GALNT18: variants seen among roughly 807,000 people sequenced by gnomAD.
The protein encoded by GALNT18 is GalNAc-transferase 18.
In GALNT18, 44 loss-of-function variants were observed where a neutral mutation model predicts 69.5. The ratio of observed to expected loss-of-function variants is 0.63; its 90% CI spans 0.50 to 0.81. The LOEUF (loss-of-function observed/expected upper bound fraction) is 0.81, where lower values mean the gene tolerates loss of function less well. GALNT18 is among the 40% of genes least tolerant of loss of function. GALNT18 has a pLI of 0.00. For synonymous variants in GALNT18, 364 were observed against 318.2 expected (o/e 1.14, Z -1.53); for missense variants, 715 against 810.0 (o/e 0.88, Z 1.42).
chr11:11,443,053 G>A (rs543408480), intron 2 of GALNT18, among the ~76,000 whole-genome samples: 6 of 152,260 alleles, frequency 3.9e-5, no homozygotes, highest in African/African-American at 7.2e-5. Flanking sequence ...CCACACCCAC[G>A]ATCCCTTAGA....
chr11:11,310,547 A>T (rs1166286849), intron 9 of GALNT18, among the ~76,000 whole-genome samples: 1 of 152,066 alleles, frequency 6.6e-6, no homozygotes, highest in Admixed American at 6.5e-5. Flanking sequence ...TTGTTATAAA[A>T]TTTTTCTTTT....
In GALNT18 at chr11:11,404,781, C is replaced by A. The variant is rs1455818965; in HGVS notation, c.596-25517G>T. On this transcript the variant is annotated intron_variant, in intron 3 of 10. Transcript: ENST00000227756. This position sits in a 1 kb window ranked among gnomAD's most constrained non-coding sequence, Gnocchi z 4.5. ...GGCTCCAGCCCCGCACAGACCCTGACCATACCCTGGCGACTCCATCAGCTA... is the reference window on the plus strand; with the variant it reads ...GGCTCCAGCCCCGCACAGACCCTGAACATACCCTGGCGACTCCATCAGCTA... Among the ~76,000 whole-genome samples, 1 of 152,180 alleles carries A rather than the reference C, an allele frequency of 6.6e-6. No homozygotes were observed. Among genetic ancestry groups the A allele is most frequent in the Non-Finnish European group, 1.5e-5 (1 of 68,034 alleles).
chr11:11,428,738 G>A (rs528591264), intron 3 of GALNT18, among the ~76,000 whole-genome samples: 11 of 152,294 alleles, frequency 7.2e-5, no homozygotes, highest in African/African-American at 2.4e-4. Context: ...TGCACTCAGG[G>A]TCTCAAGAAC....
intron 1 of GALNT18, among the ~76,000 whole-genome samples, chr11:11,599,656 CTCATA>C (rs1859586537): frequency 6.6e-6 from 1 of 151,388 alleles, no homozygotes; most frequent in African/African-American, 2.4e-5. Context: ...TTTTCTATAT[CTCATA>C]TATTTTTTGT....
rs770309604 is a variant in GALNT18 at position 11,309,158 on chromosome 11, G to A, written c.1513-15965C>T. Among the ~76,000 whole-genome samples, 1 of 152,128 alleles carries A rather than the reference G, an allele frequency of 6.6e-6. No homozygotes were observed. The highest frequency in any genetic ancestry group is 1.5e-5 in the Non-Finnish European group (1 of 68,030). On this transcript the variant is annotated intron_variant, in intron 9 of 10. Transcript: ENST00000227756. The surrounding 1 kb of genome is among the most constrained non-coding windows in gnomAD (Gnocchi z 4.6). ...GGTTCCTTGTAAAAGGACAAGTTTAGTCCCCTCTCTAGCCCTTCTTTCTAC... is the reference window on the plus strand; with the variant it reads ...GGTTCCTTGTAAAAGGACAAGTTTAATCCCCTCTCTAGCCCTTCTTTCTAC...
At chr11:11,479,715 G>A (rs1856481727) in intron 1 of GALNT18, among the ~76,000 whole-genome samples, 1 of 152,176 alleles carries the variant, frequency 6.6e-6, no homozygotes, top group Non-Finnish European at 1.5e-5. Context: ...AAGCTGACCT[G>A]TGCCCCATGC....
chr11:11,545,208 T>C (rs1458597328), intron 1 of GALNT18, among the ~76,000 whole-genome samples: 1 of 152,252 alleles, frequency 6.6e-6, no homozygotes, highest in Non-Finnish European at 1.5e-5. Context: ...ACTTGACCAG[T>C]TGCACAGCTT....
Position 11,274,518 on chromosome 11 carries a change from C to T in GALNT18, c.1678-3228G>A, listed in dbSNP as rs143340908. 1.8e-3 allele frequency among the ~76,000 whole-genome samples: 275 copies of T among 152,248 alleles called. 3 individuals carry two copies. Among genetic ancestry groups the T allele is most frequent in the African/African-American group, 5.6e-3 (232 of 41,562 alleles). On this transcript the variant is annotated intron_variant, in intron 10 of 10. Transcript: ENST00000227756. ...CAAGCTTGGTTGGGTGAGGGACATC[C>T]GCCATTGCTGTGGCCTGAGTAGGTG...
At position 11,480,280 on chromosome 11, in the gene GALNT18, C is replaced by T. The variant is rs1856497460; in HGVS notation, c.236-31344G>A. ...TCTCTCTCTCTTTCTCTCTCTCTCG[C>T]CCCCCTCGCCCCAACCTCAGTCATA... On this transcript the variant is annotated intron_variant, in intron 1 of 10. Transcript: ENST00000227756. This position sits in a 1 kb window ranked among gnomAD's most constrained non-coding sequence, Gnocchi z 4.6. Among the ~76,000 whole-genome samples the T allele has an allele frequency of 6.6e-6, 1 of 152,014 alleles. No homozygotes were observed. Among genetic ancestry groups the T allele is most frequent in the South Asian group, 2.1e-4 (1 of 4,810 alleles).
intron 1 of GALNT18, among the ~76,000 whole-genome samples, chr11:11,567,661 C>T (rs1858685643): frequency 6.6e-6 from 1 of 152,162 alleles, no homozygotes; most frequent in Non-Finnish European, 1.5e-5. Flanking sequence ...CAAGCCAGCT[C>T]AGGTGCATAT....
At chr11:11,401,030 G>A (rs938386666) in intron 3 of GALNT18, among the ~76,000 whole-genome samples, 1 of 152,086 alleles carries the variant, frequency 6.6e-6, no homozygotes, top group African/African-American at 2.4e-5. Flanking sequence ...GCTTGGATAC[G>A]GGACACAGGA....
intron 1 of GALNT18, among the ~76,000 whole-genome samples, chr11:11,534,056 G>A (rs565685749): frequency 5.6e-4 from 85 of 152,292 alleles, no homozygotes; most frequent in African/African-American, 1.8e-3. Flanking sequence ...GCACCCCTAC[G>A]TCACAGATCA....
intron 10 of GALNT18, among the ~76,000 whole-genome samples, chr11:11,286,348 A>C (rs536233642): frequency 6.6e-6 from 1 of 152,224 alleles, no homozygotes; most frequent in South Asian, 2.1e-4. Flanking sequence ...CGTAACTTTG[A>C]GTATCCTACA....
rs1345542542 is a variant in GALNT18, at chr11:11,314,099, T to C, written c.1512+12987A>G. On this transcript the variant is annotated intron_variant, in intron 9 of 10. Transcript: ENST00000227756. The surrounding 1 kb of genome is among the most constrained non-coding windows in gnomAD (Gnocchi z 5.2). ...ACAGAGCCAAGGCGGGATCTAAAAT[T>C]AGCTCCTCTGTCACTGGGTTTGGTG... 6.6e-6 allele frequency among the ~76,000 whole-genome samples: 1 copy of C among 152,110 alleles called. No homozygotes were observed. The highest frequency in any genetic ancestry group is 2.4e-5 in the African/African-American group (1 of 41,424).
chr11:11,359,334 T>G (rs1850594768), intron 6 of GALNT18, among the ~76,000 whole-genome samples: 1 of 140,854 alleles, frequency 7.1e-6, no homozygotes, highest in Non-Finnish European at 1.6e-5. Context: ...CTGGACTGCC[T>G]TCACTGGTAA....
At position 11,596,151 on chromosome 11, in the gene GALNT18, C is replaced by T. The variant is rs537234994; in HGVS notation, c.235+25208G>A. Among the ~76,000 whole-genome samples, 1 of 152,254 alleles carries T rather than the reference C, an allele frequency of 6.6e-6. No individual in the cohort carries two copies. The highest frequency in any genetic ancestry group is 2.1e-4 in the South Asian group (1 of 4,826). ...TGTGTTAAAAGACTATTCTTTCCCC[C>T]CTTTAAATTGTTTGAGCATCCTTAT... On this transcript the variant is annotated intron_variant, in intron 1 of 10. Coordinates refer to ENST00000227756, the MANE Select transcript of GALNT18 (RefSeq NM_198516.3). The surrounding 1 kb of genome is among the most constrained non-coding windows in gnomAD (Gnocchi z 4.2).
At chr11:11,391,484 G>GTGCA (rs1467636018) in intron 3 of GALNT18, among the ~76,000 whole-genome samples, 2 of 152,234 alleles carry the variant, frequency 1.3e-5, no homozygotes, top group African/African-American at 4.8e-5. Context: ...GGGCAAGAGG[G>GTGCA]TGCATTTAAT....
At chr11:11,279,871 T>C (rs966264188) in intron 10 of GALNT18, among the ~76,000 whole-genome samples, 3 of 151,788 alleles carry the variant, frequency 2.0e-5, no homozygotes, top group African/African-American at 7.3e-5. Context: ...ATTTTATACA[T>C]GTTTCTGTAT....
intron 10 of GALNT18, among the ~76,000 whole-genome samples, chr11:11,276,465 C>A (rs1011207247): frequency 6.6e-6 from 1 of 152,112 alleles, no homozygotes; most frequent in African/African-American, 2.4e-5. Flanking sequence ...ACAATCATGT[C>A]ATCTGCAAAC....
Sources: allele counts gnomAD v4.1 joint callset (sites outside exome capture counted in the v4.1 genomes callset), GRCh38; gene constraint gnomAD v4.1.1; non-coding constraint Gnocchi (gnomAD v3.1); transcripts MANE v1.5; gene names NCBI Gene and HGNC (gene_info 2026-07-23, HGNC 2026-07-21).